The following ZC3H15 variants were observed in gnomAD, a reference collection of about 807,000 sequenced individuals.
ZC3H15 encodes zinc finger CCCH-type containing 15.
A neutral mutation model predicts 51.2 loss-of-function variants in ZC3H15; 15 were observed. That is an observed-to-expected ratio of 0.29 (90% confidence interval 0.20 to 0.45). The LOEUF (loss-of-function observed/expected upper bound fraction) is 0.45, where lower values mean the gene tolerates loss of function less well. Among genes scored for constraint, ZC3H15 ranks in the 20% least tolerant of loss-of-function variants. ZC3H15 has a pLI of 1.00. For synonymous variants in ZC3H15, 144 were observed against 162.8 expected, an observed-to-expected ratio of 0.88 and a Z score of 0.88; for missense variants, 381 against 494.7, an observed-to-expected ratio of 0.77 and a Z score of 2.18.
intron 1 of ZC3H15, among the ~76,000 whole-genome samples, chr2:186,490,592 C>T (rs954299996): frequency 1.3e-5 from 2 of 152,134 alleles, no homozygotes; most frequent in Non-Finnish European, 1.5e-5. Context: ...GAGGGAAAAC[C>T]GTGACAGCTT....
chr2:186,489,519 C>A (rs1028674100), intron 1 of ZC3H15, among the ~76,000 whole-genome samples: 12 of 152,116 alleles, frequency 7.9e-5, no homozygotes, highest in Admixed American at 2.0e-4. Context: ...ATTTCAGAAT[C>A]TGGTTAACTT....
chr2:186,500,900 C>T (rs1401194995), intron 3 of ZC3H15, among the ~76,000 whole-genome samples: 2 of 152,132 alleles, frequency 1.3e-5, no homozygotes, highest in African/African-American at 2.4e-5. Flanking sequence ...GGCTCGATCT[C>T]CTGACCTCGT....
chr2:186,508,642 T>C lies in ZC3H15; in HGVS notation c.1190T>C (p.Ile397Thr), dbSNP rs375616861. Residue 397 changes from isoleucine to threonine, a missense_variant, in exon 10 of 10, where the codon ATT (isoleucine) becomes ACT (threonine). Coordinates refer to ENST00000337859, the MANE Select transcript of ZC3H15 (RefSeq NM_018471.3). Reference sequence around the variant, plus strand: ...AGGGAGGGAACGGAAAATGGAGCCATTGATGCTGTTCCTGTTGATGAAAAT... The same window carrying C: ...AGGGAGGGAACGGAAAATGGAGCCACTGATGCTGTTCCTGTTGATGAAAAT... ...NEREGTENGA[I>T]DAVPVDENLF... 8.1e-6 allele frequency: 13 copies of C among 1,613,996 alleles called. No individual in the cohort carries two copies. The highest frequency in any genetic ancestry group is 1.7e-5 in the Admixed American group (1 of 59,986).
rs775946154 is a variant in ZC3H15 at position 186,502,551 on chromosome 2, C to T, written c.498C>T (p.His166=). The T allele has an allele frequency of 5.0e-6, 8 of 1,612,444 alleles. No individual in the cohort carries two copies. Among genetic ancestry groups the T allele is most frequent in the South Asian group, 2.2e-5 (2 of 90,828 alleles). The change falls in exon 5 of 10, where the codon CAC becomes CAT. Residue 166 remains histidine, a synonymous_variant. Coordinates refer to ENST00000337859, the MANE Select transcript of ZC3H15 (RefSeq NM_018471.3). ...KKLEEVVNKK[H]GEAEKKKPKT... is the part of the protein sequence containing the mutation. Reference sequence around the variant, plus strand: ...TGGAAGAAGTAGTGAACAAGAAGCACGGTGAGGCGGAAAAGAAAAAACCAA... The same window carrying T: ...TGGAAGAAGTAGTGAACAAGAAGCATGGTGAGGCGGAAAAGAAAAAACCAA...
rs1002161669 is a variant in ZC3H15 at position 186,491,169 on chromosome 2, A to G, written c.76-4064A>G. Among the ~76,000 whole-genome samples the G allele has an allele frequency of 2.0e-5, 3 of 152,190 alleles. No homozygotes were observed. In the East Asian group the frequency reaches 5.8e-4, roughly 29 times the overall value. Reference sequence around the variant, plus strand: ...GTTATTGCGCACCAACCAGCCCAATAACTTAATGAGGTTTCTCTGGGAAGT... The same window carrying G: ...GTTATTGCGCACCAACCAGCCCAATGACTTAATGAGGTTTCTCTGGGAAGT... On this transcript the variant is annotated intron_variant, in intron 1 of 9. Transcript: ENST00000337859.
Position 186,508,855 on chromosome 2 carries a change from ACCT to A in ZC3H15, c.*126_*128del, listed in dbSNP as rs998237817. ...TCCTATGCTGATTCTGGAGGAGTTA[ACCT>A]CCTGCAAAAAAGGCATCTTGTCCCT... On this transcript the variant is annotated 3_prime_UTR_variant, in exon 10 of 10. Coordinates refer to ENST00000337859, the MANE Select transcript of ZC3H15 (RefSeq NM_018471.3). 2.7e-6 allele frequency: 3 copies of A among 1,113,174 alleles called. No individual in the cohort carries two copies. The highest frequency in any genetic ancestry group is 3.8e-6 in the Non-Finnish European group (3 of 786,596). 69.0% of individuals were successfully genotyped at this position (1,113,174 alleles called of 1,614,324 possible).
At chr2:186,487,581 C>T (rs1391993577) in intron 1 of ZC3H15, among the ~76,000 whole-genome samples, 1 of 152,192 alleles carries the variant, frequency 6.6e-6, no homozygotes, top group Non-Finnish European at 1.5e-5. Flanking sequence ...CAGTTTAAAA[C>T]TGTCATGAAG....
At chr2:186,495,464 C>G (rs956926959) in intron 2 of ZC3H15, 130 bp downstream of exon 2, 4 of 597,434 alleles carry the variant, frequency 6.7e-6, no homozygotes, top group Non-Finnish European at 1.1e-5. Flanking sequence ...GTTTTTGCAC[C>G]TTGGCCTTCC....
chr2:186,508,544 AAAC>A lies in ZC3H15; in HGVS notation c.1095_1097del (p.Asn365del). 2 of 1,613,286 alleles carry A rather than the reference AAAC, an allele frequency of 1.2e-6. No individual in the cohort carries two copies. Among genetic ancestry groups the A allele is most frequent in the Non-Finnish European group, 1.7e-6 (2 of 1,179,680 alleles). The stretch of plus-strand genomic sequence containing the variant: ...ACTGATTCCAGTTTTTATATTTAGA[AAAC>A]AAATTAAGTGAAGCTTCTGGAGGTA... On this transcript the variant is annotated inframe_deletion and splice_region_variant, in exon 10 of 10. Transcript: ENST00000337859.
intron 6 of ZC3H15, 129 bp from the exon 7 acceptor site, chr2:186,505,322 T>C: frequency 9.0e-7 from 1 of 1,107,334 alleles, no homozygotes; most frequent in Non-Finnish European, 1.2e-6. Context: ...ATACATAAAT[T>C]AGCTTATTCC....
At chr2:186,490,804 GA>G (rs1685185415) in intron 1 of ZC3H15, among the ~76,000 whole-genome samples, 1 of 152,154 alleles carries the variant, frequency 6.6e-6, no homozygotes. Context: ...AAGGCTCTTG[GA>G]GCCTCAGGAA....
rs1174915917 is a variant in ZC3H15 at position 186,505,683 on chromosome 2, G to T, written c.865-57G>T. On this transcript the variant is annotated intron_variant, in intron 7 of 9. Coordinates refer to ENST00000337859, the MANE Select transcript of ZC3H15 (RefSeq NM_018471.3). ...GCAAGATTTTGTTTCTATTTCATCA[G>T]TGACAAGGAATGTTTAGATTTTTGT... The T allele has an allele frequency of 1.9e-6, 3 of 1,605,188 alleles. No homozygotes were observed. The East Asian group carries it at 6.7e-5, about 36-fold the overall frequency.
At position 186,504,233 on chromosome 2, in the gene ZC3H15, C is replaced by G; in HGVS notation, c.717+19C>G. 6.5e-7 allele frequency: 1 copy of G among 1,531,716 alleles called. No homozygotes were observed. The highest frequency in any genetic ancestry group is 8.8e-7 in the Non-Finnish European group (1 of 1,139,328). The allele number at this position is 1,531,716 out of a possible 1,614,324, so 94.9% of individuals were successfully genotyped here. A position where few individuals can be genotyped will look rare whatever the true frequency, so the allele number is the denominator to read the frequency against. ...GAGAGAGGTAACTGGTATCCTTTTC[C>G]TACCATAAAAACTGAAAGCAGTATT... On this transcript the variant is annotated intron_variant, in intron 6 of 9. Coordinates refer to ENST00000337859, the MANE Select transcript of ZC3H15 (RefSeq NM_018471.3).
intron 9 of ZC3H15, chr2:186,507,571 T>C (rs1338717470): frequency 2.3e-6 from 1 of 427,630 alleles, no homozygotes; most frequent in Non-Finnish European, 4.7e-6. Flanking sequence ...GAAGGCTGTC[T>C]AGGATTGTTG....
At chr2:186,507,122 A>G (rs1291025936) in intron 9 of ZC3H15, among the ~76,000 whole-genome samples, 2 of 152,208 alleles carry the variant, frequency 1.3e-5, no homozygotes, top group African/African-American at 4.8e-5. Context: ...TTGATTATCA[A>G]AAGTGCACTG....
Position 186,504,018 on chromosome 2 carries a change from T to C in ZC3H15, c.535-14T>C. 1 of 1,544,492 alleles carries C rather than the reference T, an allele frequency of 6.5e-7. No homozygotes were observed. The highest frequency in any genetic ancestry group is 8.7e-7 in the Non-Finnish European group (1 of 1,147,472). ...ACACTGAGCCACCGCTTGTGAATAATATTGTCTCTATAGGTGTGCAAGCAT... is the reference window on the plus strand; with the variant it reads ...ACACTGAGCCACCGCTTGTGAATAACATTGTCTCTATAGGTGTGCAAGCAT... On this transcript the variant is annotated splice_polypyrimidine_tract_variant and intron_variant, in intron 5 of 9. Transcript: ENST00000337859.
intron 1 of ZC3H15, among the ~76,000 whole-genome samples, chr2:186,489,613 C>T (rs1471026280): frequency 3.9e-5 from 6 of 152,158 alleles, no homozygotes; most frequent in Non-Finnish European, 2.9e-5. Context: ...TTAAGCAGCA[C>T]GTTTCAATAG....
At chr2:186,491,980 T>C (rs555259706) in intron 1 of ZC3H15, among the ~76,000 whole-genome samples, 2 of 152,274 alleles carry the variant, frequency 1.3e-5, no homozygotes, top group Admixed American at 6.5e-5. Flanking sequence ...ATCGGGAGTT[T>C]ATACACCTTT....
At position 186,502,438 on chromosome 2, in the gene ZC3H15, A is replaced by G. The variant is rs940386897; in HGVS notation, c.443-58A>G. ...ACACAGCATTAGTGTCTAAGGAGATATGTGTTGTGGGAGTAGTAGATAAGA... is the reference window on the plus strand; with the variant it reads ...ACACAGCATTAGTGTCTAAGGAGATGTGTGTTGTGGGAGTAGTAGATAAGA... On this transcript the variant is annotated intron_variant, in intron 4 of 9. Coordinates refer to ENST00000337859, the MANE Select transcript of ZC3H15 (RefSeq NM_018471.3). 21 of 1,364,598 alleles carry G rather than the reference A, an allele frequency of 1.5e-5. No individual in the cohort carries two copies. The African/African-American group carries it at 2.6e-4, about 17-fold the overall frequency. 84.5% of individuals were successfully genotyped at this position (1,364,598 alleles called of 1,614,324 possible). A position where few individuals can be genotyped will look rare whatever the true frequency, so the allele number is the denominator to read the frequency against.
Sources: allele counts gnomAD v4.1 joint callset (sites outside exome capture counted in the v4.1 genomes callset), GRCh38; gene constraint gnomAD v4.1.1; transcripts MANE v1.5; gene names NCBI Gene and HGNC (gene_info 2026-07-23, HGNC 2026-07-21).